The following LPIN1 variants were observed in gnomAD, a reference collection of about 807,000 sequenced individuals.
LPIN1 encodes phosphatidate phosphatase LPIN1.
Under a neutral mutation model 107.5 loss-of-function variants are expected in LPIN1, and 71 were observed. That is an observed-to-expected ratio of 0.66 (90% CI 0.55 to 0.80). The LOEUF (loss-of-function observed/expected upper bound fraction) is 0.80, where lower values mean the gene tolerates loss of function less well. Among genes scored for constraint, LPIN1 ranks in the 30% least tolerant of loss-of-function variants. The pLI, the probability that LPIN1 is intolerant of heterozygous loss-of-function variation, is 0.00. For missense variants in LPIN1, 1,043 were observed against 1,160.6 expected (o/e 0.90, Z 1.47); for synonymous variants, 445 against 452.6 (o/e 0.98, Z 0.21).
intron 1 of LPIN1, among the ~76,000 whole-genome samples, chr2:11,708,797 T>C (rs1216005771): frequency 6.6e-6 from 1 of 152,052 alleles, no homozygotes; most frequent in African/African-American, 2.4e-5. Context: ...CACCTCTCAA[T>C]GGGAGGAAGG....
chr2:11,709,497 C>G (rs989240769), intron 1 of LPIN1, among the ~76,000 whole-genome samples: 1 of 152,214 alleles, frequency 6.6e-6, no homozygotes, highest in Non-Finnish European at 1.5e-5. Context: ...CCCACACATT[C>G]CTGGAATCCT....
At chr2:11,754,608 T>G (rs1172245200) in intron 1 of LPIN1, among the ~76,000 whole-genome samples, 1 of 152,206 alleles carries the variant, frequency 6.6e-6, no homozygotes, top group African/African-American at 2.4e-5. Flanking sequence ...CCCTGAGCCT[T>G]GCTTCTGTAG....
chr2:11,758,479 G>A (rs1669021137), intron 1 of LPIN1, among the ~76,000 whole-genome samples: 1 of 152,036 alleles, frequency 6.6e-6, no homozygotes, highest in Non-Finnish European at 1.5e-5. Context: ...ATAGATGTGA[G>A]GTGGTGGTAT....
intron 9 of LPIN1, chr2:11,784,597 G>A (rs1674168133): frequency 1.9e-6 from 1 of 515,016 alleles, no homozygotes; most frequent in Non-Finnish European, 3.4e-6. Flanking sequence ...GGCAGGGCTG[G>A]CGCCTGGAGG....
chr2:11,698,171 G>C (rs1662683404), intron 1 of LPIN1, among the ~76,000 whole-genome samples: 1 of 152,300 alleles, frequency 6.6e-6, no homozygotes, highest in South Asian at 2.1e-4. Flanking sequence ...ATCCTCACTT[G>C]ACGTCATGGC....
At chr2:11,686,617 A>G (rs1005651654) in intron 1 of LPIN1, among the ~76,000 whole-genome samples, 3 of 152,082 alleles carry the variant, frequency 2.0e-5, no homozygotes, top group African/African-American at 7.2e-5. Context: ...TGGCCTGGGC[A>G]CCACGGGCAG....
intron 1 of LPIN1, among the ~76,000 whole-genome samples, chr2:11,706,412 T>G (rs796075634): frequency 6.6e-6 from 1 of 152,310 alleles, no homozygotes; most frequent in African/African-American, 2.4e-5. Flanking sequence ...GGGTTGCAGT[T>G]GGAATTAAGG....
intron 1 of LPIN1, among the ~76,000 whole-genome samples, chr2:11,700,204 C>T (rs1215276425): frequency 1.3e-5 from 2 of 151,890 alleles, no homozygotes; most frequent in Non-Finnish European, 1.5e-5. Context: ...TCATAGTCAC[C>T]TGCAATCCAA....
intron 1 of LPIN1, among the ~76,000 whole-genome samples, chr2:11,705,919 G>T (rs973279568): frequency 6.6e-6 from 1 of 152,170 alleles, no homozygotes; most frequent in Non-Finnish European, 1.5e-5. Context: ...GTTGTGGGAG[G>T]AACCCAGTGG....
intron 11 of LPIN1, among the ~76,000 whole-genome samples, chr2:11,787,537 A>G (rs1179841842): frequency 6.6e-6 from 1 of 150,992 alleles, no homozygotes; most frequent in Non-Finnish European, 1.5e-5. Context: ...AAGTGCTGGG[A>G]TTTCAGGTGT....
At chr2:11,685,736 T>C (rs1309087647) in intron 1 of LPIN1, among the ~76,000 whole-genome samples, 2 of 152,228 alleles carry the variant, frequency 1.3e-5, no homozygotes, top group African/African-American at 4.8e-5. Context: ...CTTCCTGATT[T>C]CCCATCGAGG....
At position 11,765,389 on chromosome 2, in the gene LPIN1, T is replaced by G. The variant is rs1572676218; in HGVS notation, c.-9-144T>G. 9 of 718,474 alleles carry G rather than the reference T, an allele frequency of 1.3e-5. No individual in the cohort carries two copies. Among genetic ancestry groups the G allele is most frequent in the South Asian group, 3.9e-5 (2 of 51,254 alleles). 44.5% of individuals were successfully genotyped at this position (718,474 alleles called of 1,614,324 possible). On this transcript the variant is annotated intron_variant, in intron 1 of 20. Transcript: ENST00000674199. The surrounding 1 kb of genome is among the most constrained non-coding windows in gnomAD (Gnocchi z 4.4). ...GATGGACCCTGATGGGCTATGGGGG[T>G]GGATAGAACACATTCCGGAAATGAG...
At chr2:11,698,405 C>T (rs1005800934) in intron 1 of LPIN1, among the ~76,000 whole-genome samples, 1 of 152,188 alleles carries the variant, frequency 6.6e-6, no homozygotes. Context: ...ACGTCCTACG[C>T]CTCTTCCGGG....
At chr2:11,725,282 A>AAC (rs1190207104) in intron 1 of LPIN1, among the ~76,000 whole-genome samples, 2 of 150,194 alleles carry the variant, frequency 1.3e-5, no homozygotes, top group African/African-American at 5.1e-5. Context: ...CAAAAACAAA[A>AAC]ACAAACAAAC....
chr2:11,712,759 G>T (rs1044879123), intron 1 of LPIN1, among the ~76,000 whole-genome samples: 4 of 152,162 alleles, frequency 2.6e-5, no homozygotes, highest in Admixed American at 1.3e-4. Flanking sequence ...ACATGTTTTT[G>T]AGTATAATTT....
At chr2:11,781,271 C>G (rs1673529134) in intron 7 of LPIN1, among the ~76,000 whole-genome samples, 1 of 152,222 alleles carries the variant, frequency 6.6e-6, no homozygotes, top group Non-Finnish European at 1.5e-5. Flanking sequence ...TGCTGATTTA[C>G]CTGTCCACAG....
intron 1 of LPIN1, among the ~76,000 whole-genome samples, chr2:11,703,011 A>G (rs540085934): frequency 6.6e-6 from 1 of 152,326 alleles, no homozygotes; most frequent in African/African-American, 2.4e-5. Flanking sequence ...TTTCTCCAAA[A>G]TGAGTTACCT....
chr2:11,802,819 G>A (rs1466568758), intron 14 of LPIN1, 88 bp from the exon 15 acceptor site: 11 of 1,493,002 alleles, frequency 7.4e-6, no homozygotes, highest in South Asian at 1.1e-5. Flanking sequence ...AGACTGGATT[G>A]ACTTAGTCAT....
At chr2:11,735,564 CT>C (rs1040180821) in intron 1 of LPIN1, among the ~76,000 whole-genome samples, 2 of 152,160 alleles carry the variant, frequency 1.3e-5, no homozygotes, top group African/African-American at 4.8e-5. Context: ...TTCAACAAGT[CT>C]TCTGAGACCT....
Sources: allele counts gnomAD v4.1 joint callset (sites outside exome capture counted in the v4.1 genomes callset), GRCh38; gene constraint gnomAD v4.1.1; non-coding constraint Gnocchi (gnomAD v3.1); transcripts MANE v1.5; gene names NCBI Gene and HGNC (gene_info 2026-07-23, HGNC 2026-07-21).